MARCHF3: variants seen among roughly 807,000 people sequenced by gnomAD.
The protein encoded by MARCHF3 is E3 ubiquitin-protein ligase MARCHF3.
In MARCHF3, 13 loss-of-function variants were observed where a neutral mutation model predicts 24.2. That is an observed-to-expected ratio of 0.54 (90% CI 0.35 to 0.85). The LOEUF (loss-of-function observed/expected upper bound fraction) is 0.85, where lower values mean the gene tolerates loss of function less well. Among genes scored for constraint, MARCHF3 ranks in the 40% least tolerant of loss-of-function variants. The pLI, the probability that MARCHF3 is intolerant of heterozygous loss-of-function variation, is 0.01. For synonymous variants in MARCHF3, 144 were observed against 137.3 expected, an observed-to-expected ratio of 1.05 and a Z score of -0.34; for missense variants, 276 against 325.0, an observed-to-expected ratio of 0.85 and a Z score of 1.16.
chr5:126,973,932 C>A (rs1373198237), intron 1 of MARCHF3, among the ~76,000 whole-genome samples: 5 of 143,232 alleles, frequency 3.5e-5, no homozygotes, highest in African/African-American at 1.3e-4. Context: ...GCTCTGTCGC[C>A]CAGGCCGGAC....
At position 126,883,375 on chromosome 5, in the gene MARCHF3, G is replaced by T. The variant is rs539873843; in HGVS notation, c.394-4981C>A. On this transcript the variant is annotated intron_variant, in intron 3 of 4. Transcript: ENST00000308660. ...TCAAAACATGCAGTACAGAGATCATGCTGTTGAAAGCCCCAGCAGTGAGCT... is the reference window on the plus strand; with the variant it reads ...TCAAAACATGCAGTACAGAGATCATTCTGTTGAAAGCCCCAGCAGTGAGCT... Among the ~76,000 whole-genome samples, 289 of 152,326 alleles carry T rather than the reference G, an allele frequency of 1.9e-3. 1 individual carries two copies. Among genetic ancestry groups the T allele is most frequent in the African/African-American group, 6.8e-3 (281 of 41,580 alleles).
At chr5:126,912,221 G>C (rs541612517) in intron 3 of MARCHF3, among the ~76,000 whole-genome samples, 4 of 152,342 alleles carry the variant, frequency 2.6e-5, no homozygotes, top group African/African-American at 7.2e-5. Flanking sequence ...AAGTGAAGAA[G>C]TGTCTTAGGA....
chr5:126,903,646 T>G (rs913696203), intron 3 of MARCHF3, among the ~76,000 whole-genome samples: 1 of 135,028 alleles, frequency 7.4e-6, no homozygotes, highest in Non-Finnish European at 1.5e-5. Flanking sequence ...TATATATATA[T>G]AAAATCTCTA....
chr5:126,906,849 C>T (rs564616156), intron 3 of MARCHF3, among the ~76,000 whole-genome samples: 179 of 152,046 alleles, frequency 1.2e-3, no homozygotes, highest in African/African-American at 3.9e-3. Flanking sequence ...TTATTTCTTG[C>T]CTTCTGCTAG....
intron 1 of MARCHF3, among the ~76,000 whole-genome samples, chr5:126,955,887 G>T (rs1022168333): frequency 6.6e-6 from 1 of 152,158 alleles, no homozygotes; most frequent in Non-Finnish European, 1.5e-5. Flanking sequence ...CAGTCATAAA[G>T]ATATTTGCCT....
intron 1 of MARCHF3, among the ~76,000 whole-genome samples, chr5:126,974,960 AATTT>A (rs1455483307): frequency 1.3e-5 from 2 of 151,906 alleles, no homozygotes; most frequent in Non-Finnish European, 2.9e-5. Context: ...TTTTTTTCAA[AATTT>A]ATTTATTTAT....
chr5:126,975,427 A>C (rs1254238821), intron 1 of MARCHF3, among the ~76,000 whole-genome samples: 3 of 152,236 alleles, frequency 2.0e-5, no homozygotes, highest in Non-Finnish European at 2.9e-5. Flanking sequence ...ACAAGGATCA[A>C]ATCAGGGTAA....
chr5:126,900,556 C>T (rs1156447193), intron 3 of MARCHF3, among the ~76,000 whole-genome samples: 2 of 152,062 alleles, frequency 1.3e-5, no homozygotes, highest in Non-Finnish European at 2.9e-5. Flanking sequence ...TTGGACTTCC[C>T]AGCCTCCAGG....
At chr5:126,954,032 A>AATTTTT (rs1750342833) in intron 1 of MARCHF3, among the ~76,000 whole-genome samples, 3 of 151,814 alleles carry the variant, frequency 2.0e-5, no homozygotes, top group African/African-American at 7.2e-5. Context: ...AACCTCTTCT[A>AATTTTT]ATTTTTATTT....
chr5:126,963,339 A>G (rs1750705394), intron 1 of MARCHF3, among the ~76,000 whole-genome samples: 1 of 152,198 alleles, frequency 6.6e-6, no homozygotes, highest in Non-Finnish European at 1.5e-5. Flanking sequence ...GTAATTATAC[A>G]TCATGTTTGT....
chr5:126,966,123 C>T lies in MARCHF3; in HGVS notation c.-56-47896G>A, dbSNP rs374096783. Reference sequence around the variant, plus strand: ...AGCATGAGTCTGCTTATATGAAAGTCTAGAGGCAAAATTAATCAATAGTGA... The same window carrying T: ...AGCATGAGTCTGCTTATATGAAAGTTTAGAGGCAAAATTAATCAATAGTGA... On this transcript the variant is annotated intron_variant, in intron 1 of 4. Transcript: ENST00000308660. Among the ~76,000 whole-genome samples, 12 of 152,232 alleles carry T rather than the reference C, an allele frequency of 7.9e-5. No homozygotes were observed. In the South Asian group the frequency reaches 2.5e-3, roughly 32 times the overall value.
chr5:126,910,677 T>C (rs1277816057), intron 3 of MARCHF3, among the ~76,000 whole-genome samples: 1 of 152,224 alleles, frequency 6.6e-6, no homozygotes, highest in Non-Finnish European at 1.5e-5. Flanking sequence ...GGAGGATGTA[T>C]GTCACCTCAG....
intron 3 of MARCHF3, among the ~76,000 whole-genome samples, chr5:126,893,361 A>G (rs1753763132): frequency 6.6e-6 from 1 of 150,804 alleles, no homozygotes; most frequent in Non-Finnish European, 1.5e-5. Flanking sequence ...TTGCATTTCT[A>G]GTTCTTTTAA....
At chr5:126,987,069 A>G (rs376188227) in intron 1 of MARCHF3, among the ~76,000 whole-genome samples, 2 of 152,372 alleles carry the variant, frequency 1.3e-5, no homozygotes, top group East Asian at 1.9e-4. Context: ...TCTGAATTTA[A>G]GTCAATCAGA....
chr5:126,924,297 T>C (rs1749223597), intron 1 of MARCHF3, among the ~76,000 whole-genome samples: 1 of 152,188 alleles, frequency 6.6e-6, no homozygotes, highest in East Asian at 1.9e-4. Flanking sequence ...GTGAATCTGC[T>C]TCAGAAAGGA....
chr5:126,903,692 T>A (rs926372961), intron 3 of MARCHF3, among the ~76,000 whole-genome samples: 1 of 152,058 alleles, frequency 6.6e-6, no homozygotes, highest in Non-Finnish European at 1.5e-5. Context: ...GCTAAGTGAA[T>A]TCTTGAATCT....
At chr5:126,973,760 C>T (rs1751097899) in intron 1 of MARCHF3, among the ~76,000 whole-genome samples, 1 of 152,142 alleles carries the variant, frequency 6.6e-6, no homozygotes, top group Non-Finnish European at 1.5e-5. Flanking sequence ...TAGTTCATCA[C>T]CATCCAAATT....
At chr5:126,901,688 C>T (rs1754110710) in intron 3 of MARCHF3, among the ~76,000 whole-genome samples, 1 of 152,126 alleles carries the variant, frequency 6.6e-6, no homozygotes, top group Non-Finnish European at 1.5e-5. Context: ...GAGCCCTCAG[C>T]AGGGAGCGTT....
At chr5:126,972,506 G>A (rs1002907050) in intron 1 of MARCHF3, among the ~76,000 whole-genome samples, 16 of 152,166 alleles carry the variant, frequency 1.1e-4, no homozygotes, top group Non-Finnish European at 2.9e-5. Flanking sequence ...AACAAGATAT[G>A]ATCTTTCTCT....
Sources: allele counts gnomAD v4.1 joint callset (sites outside exome capture counted in the v4.1 genomes callset), GRCh38; gene constraint gnomAD v4.1.1; transcripts MANE v1.5; gene names NCBI Gene and HGNC (gene_info 2026-07-23, HGNC 2026-07-21).